VAV3: variants seen among roughly 807,000 people sequenced by gnomAD.
VAV3 encodes vav guanine nucleotide exchange factor 3.
In VAV3, 94 loss-of-function variants were observed where a neutral mutation model predicts 131.2. The observed-to-expected ratio is 0.72, with a 90% CI of 0.61 to 0.85. The LOEUF is 0.85. Among genes scored for constraint, VAV3 ranks in the 40% least tolerant of loss-of-function variants. The pLI, the probability that VAV3 is intolerant of heterozygous loss-of-function variation, is 0.00. For synonymous variants in VAV3, 349 were observed against 342.0 expected (o/e 1.02, Z -0.22); for missense variants, 939 against 1,002.7 (o/e 0.94, Z 0.86).
chr1:107,669,247 T>A, intron 19 of VAV3: 1 of 1,236,046 alleles, frequency 8.1e-7, no homozygotes, highest in Non-Finnish European at 1.0e-6. Flanking sequence ...CCTTACTAAG[T>A]GTCCATAGGA....
intron 24 of VAV3, among the ~76,000 whole-genome samples, chr1:107,598,597 T>C (rs1174166676): frequency 6.6e-6 from 1 of 152,136 alleles, no homozygotes; most frequent in South Asian, 2.1e-4. Flanking sequence ...GACCGACCTT[T>C]AAAAGCAAAG....
In VAV3 at chr1:107,834,838, G is replaced by T. The variant is rs531420956; in HGVS notation, c.321+40063C>A. 3.9e-5 allele frequency among the ~76,000 whole-genome samples: 6 copies of T among 152,196 alleles called. No individual in the cohort carries two copies. In the South Asian group the frequency reaches 6.2e-4, roughly 16 times the overall value. ...CTGGCCTTGAACAGCTCCTAAGGAAGAAGTGAGTGAAGTGACTGTGGGACA... is the reference window on the plus strand; with the variant it reads ...CTGGCCTTGAACAGCTCCTAAGGAATAAGTGAGTGAAGTGACTGTGGGACA... On this transcript the variant is annotated intron_variant, in intron 2 of 26. Transcript: ENST00000370056.
intron 12 of VAV3, among the ~76,000 whole-genome samples, chr1:107,751,446 G>C (rs556580696): frequency 6.6e-6 from 1 of 152,190 alleles, no homozygotes; most frequent in Non-Finnish European, 1.5e-5. Flanking sequence ...TTCTTAAAGG[G>C]GAAATTAGCT....
At chr1:107,858,397 AATT>A (rs892802588) in intron 2 of VAV3, among the ~76,000 whole-genome samples, 3 of 152,178 alleles carry the variant, frequency 2.0e-5, no homozygotes, top group African/African-American at 7.2e-5. Context: ...ATCTAAGAAA[AATT>A]TAAGTCAGAT....
chr1:107,820,343 G>C (rs1018498750), intron 2 of VAV3, among the ~76,000 whole-genome samples: 1 of 152,178 alleles, frequency 6.6e-6, no homozygotes, highest in African/African-American at 2.4e-5. Flanking sequence ...ATTATGCTAA[G>C]TGAAATGAGC....
chr1:107,737,736 A>C (rs1662745786), intron 15 of VAV3, among the ~76,000 whole-genome samples: 1 of 152,218 alleles, frequency 6.6e-6, no homozygotes, highest in African/African-American at 2.4e-5. Flanking sequence ...GAGAAATAGG[A>C]ACACTTTTAC....
intron 11 of VAV3, among the ~76,000 whole-genome samples, chr1:107,756,801 T>A (rs1186768010): frequency 1.3e-5 from 2 of 152,100 alleles, no homozygotes; most frequent in Non-Finnish European, 2.9e-5. Context: ...ACCTAGCAGA[T>A]ATCCTCATAT....
chr1:107,945,308 A>G (rs1326447911), intron 1 of VAV3, among the ~76,000 whole-genome samples: 2 of 152,212 alleles, frequency 1.3e-5, no homozygotes, highest in Non-Finnish European at 2.9e-5. Context: ...AAACACCTAC[A>G]TATTTAATTT....
At chr1:107,811,948 T>A (rs1279540617) in intron 2 of VAV3, among the ~76,000 whole-genome samples, 11 of 152,172 alleles carry the variant, frequency 7.2e-5, no homozygotes, top group African/African-American at 2.7e-4. Context: ...CAGGCAGCCA[T>A]ACGCTCACAT....
At chr1:107,583,517 C>T (rs564512200) in intron 25 of VAV3, among the ~76,000 whole-genome samples, 1 of 152,236 alleles carries the variant, frequency 6.6e-6, no homozygotes, top group East Asian at 1.9e-4. Context: ...ACCCCACTGT[C>T]TCAGCCCAAA....
intron 1 of VAV3, among the ~76,000 whole-genome samples, chr1:107,962,150 T>G (rs563988463): frequency 2.6e-5 from 4 of 152,344 alleles, no homozygotes; most frequent in African/African-American, 9.6e-5. Flanking sequence ...CAAATTAATA[T>G]CTTCAACAGA....
chr1:107,891,036 C>G (rs1032277262), intron 1 of VAV3, among the ~76,000 whole-genome samples: 13 of 152,100 alleles, frequency 8.5e-5, no homozygotes, highest in African/African-American at 3.1e-4. Context: ...GTATATATAG[C>G]TCCTTCTGCC....
chr1:107,782,720 A>T (rs1168955562), intron 2 of VAV3, among the ~76,000 whole-genome samples: 1 of 152,210 alleles, frequency 6.6e-6, no homozygotes, highest in Non-Finnish European at 1.5e-5. Context: ...TGTTTTTAGA[A>T]CAATGTGTAT....
chr1:107,615,437 T>C (rs1475916965), intron 21 of VAV3, among the ~76,000 whole-genome samples: 1 of 152,122 alleles, frequency 6.6e-6, no homozygotes, highest in Non-Finnish European at 1.5e-5. Context: ...TTATATGATA[T>C]ACAAAAATCA....
chr1:107,707,815 G>A (rs984197930), intron 15 of VAV3, among the ~76,000 whole-genome samples: 4 of 152,188 alleles, frequency 2.6e-5, no homozygotes, highest in African/African-American at 7.2e-5. Flanking sequence ...ACCAAAGACA[G>A]TAAGCTGGCT....
Position 107,839,121 on chromosome 1 carries a change from A to G in VAV3, c.321+35780T>C, listed in dbSNP as rs536611308. Among the ~76,000 whole-genome samples, 6 of 152,292 alleles carry G rather than the reference A, an allele frequency of 3.9e-5. No homozygotes were observed. In the South Asian group the frequency reaches 1.2e-3, roughly 32 times the overall value. ...ATAAAAGTTTGAAAGAAAAGGAAAA[A>G]TTAAAAGAATACTGTAGTAGTCAAA... On this transcript the variant is annotated intron_variant, in intron 2 of 26. Coordinates refer to ENST00000370056, the MANE Select transcript of VAV3 (RefSeq NM_006113.5).
At chr1:107,846,858 A>G (rs1668993284) in intron 2 of VAV3, among the ~76,000 whole-genome samples, 1 of 152,172 alleles carries the variant, frequency 6.6e-6, no homozygotes, top group Non-Finnish European at 1.5e-5. Context: ...TATTAGACAG[A>G]TCAACGAAAC....
At chr1:107,659,656 T>A (rs1034876007) in intron 19 of VAV3, among the ~76,000 whole-genome samples, 3 of 152,234 alleles carry the variant, frequency 2.0e-5, no homozygotes, top group Non-Finnish European at 4.4e-5. Context: ...GATTTAGTCA[T>A]ATTTTTTAGG....
chr1:107,754,719 C>T (rs1391477363), intron 12 of VAV3, among the ~76,000 whole-genome samples: 2 of 152,186 alleles, frequency 1.3e-5, no homozygotes, highest in Non-Finnish European at 2.9e-5. Context: ...TCCCTTCACT[C>T]TCCATTTCCA....
Sources: allele counts gnomAD v4.1 joint callset (sites outside exome capture counted in the v4.1 genomes callset), GRCh38; gene constraint gnomAD v4.1.1; transcripts MANE v1.5; gene names NCBI Gene and HGNC (gene_info 2026-07-23, HGNC 2026-07-21).